Variants in CBLN2 observed in about 807,000 individuals in gnomAD.
CBLN2 encodes the protein cerebellin-2.
CBLN2 carries 7 observed loss-of-function variants against 15.0 expected under a neutral mutation model. That is an observed-to-expected ratio of 0.47 (90% CI 0.27 to 0.88). The LOEUF (loss-of-function observed/expected upper bound fraction) is 0.88, where lower values mean the gene tolerates loss of function less well. Ranked by LOEUF, CBLN2 falls within the 40% of genes least tolerant of loss-of-function variation. The probability of loss-of-function intolerance (pLI) is 0.14; values close to 1 mark genes in which losing one functional copy is unlikely to be tolerated. For synonymous variants in CBLN2, 149 were observed against 135.2 expected, an observed-to-expected ratio of 1.10 and a Z score of -0.71; for missense variants, 242 against 304.5, an observed-to-expected ratio of 0.79 and a Z score of 1.53.
intron 1 of CBLN2, among the ~76,000 whole-genome samples, chr18:72,612,653 TTTAAGGTTTAGC>T (rs2069630209): frequency 6.6e-6 from 1 of 152,240 alleles, no homozygotes; most frequent in Non-Finnish European, 1.5e-5. Flanking sequence ...TGTCAATTGC[TTTAAGGTTTAGC>T]TTAAATGTCT....
chr18:72,549,898 G>A (rs535167568), intron 1 of CBLN2, among the ~76,000 whole-genome samples: 12 of 150,422 alleles, frequency 8.0e-5, no homozygotes, highest in East Asian at 7.5e-4. Context: ...AAGATTTTAC[G>A]TGTTTTTGTG....
At chr18:72,572,296 A>C (rs1463090760) in intron 1 of CBLN2, among the ~76,000 whole-genome samples, 2 of 152,172 alleles carry the variant, frequency 1.3e-5, no homozygotes, top group Admixed American at 1.3e-4. Flanking sequence ...TTATGCAAAA[A>C]CATGAATCAA....
chr18:72,633,661 C>G (rs1259077355), intron 1 of CBLN2, among the ~76,000 whole-genome samples: 1 of 152,126 alleles, frequency 6.6e-6, no homozygotes, highest in East Asian at 1.9e-4. Context: ...AGATAACAAT[C>G]TTAAATATGC....
rs1228428519 is a variant in CBLN2 at position 72,625,810 on chromosome 18, CTCTCTCTCTATATA to C, written c.15+12501_15+12514del. 3.5e-3 allele frequency among the ~76,000 whole-genome samples: 235 copies of C among 67,712 alleles called. 2 individuals carry two copies. Among genetic ancestry groups the C allele is most frequent in the African/African-American group, 0.01 (225 of 21,520 alleles). The allele number at this position is 67,712 out of a possible 152,430, so 44.4% of individuals were successfully genotyped here. ...TGACTCTCTCTCTCTCTCTCTCTCTCTCTCTCTCTATATATATATATATATATATATATAGTACA... is the reference window on the plus strand; with the variant it reads ...TGACTCTCTCTCTCTCTCTCTCTCTCTATATATATATATATATATAGTACA... On this transcript the variant is annotated intron_variant, in intron 1 of 2. Transcript: ENST00000581073.
chr18:72,592,595 A>AT (rs954231368), intron 1 of CBLN2, among the ~76,000 whole-genome samples: 1 of 151,940 alleles, frequency 6.6e-6, no homozygotes, highest in Non-Finnish European at 1.5e-5. Context: ...ATTTTCTCCA[A>AT]TTTTTTCTTA....
intron 2 of CBLN2, 35 bp from the exon 3 acceptor site, chr18:72,542,361 G>A (rs2069122503): frequency 7.3e-6 from 2 of 274,628 alleles, no homozygotes; most frequent in Non-Finnish European, 1.3e-5. Flanking sequence ...CTTACACCGG[G>A]AGGTGGAGCC....
At chr18:72,600,197 T>C (rs952989420) in intron 1 of CBLN2, among the ~76,000 whole-genome samples, 14 of 152,232 alleles carry the variant, frequency 9.2e-5, no homozygotes, top group African/African-American at 2.4e-5. Flanking sequence ...TTTGGAATTA[T>C]AAATTTTAGT....
chr18:72,576,781 A>G (rs1406234595), intron 1 of CBLN2, among the ~76,000 whole-genome samples: 3 of 151,454 alleles, frequency 2.0e-5, no homozygotes, highest in African/African-American at 7.3e-5. Flanking sequence ...GAGTTTTAAC[A>G]ATCACCATTT....
chr18:72,604,091 C>A (rs914718951), intron 1 of CBLN2, among the ~76,000 whole-genome samples: 18 of 152,148 alleles, frequency 1.2e-4, no homozygotes, highest in African/African-American at 4.1e-4. Context: ...TCAAAAGGTA[C>A]AATGGAATTT....
Position 72,538,709 on chromosome 18 carries a change from C to G in CBLN2, c.421G>C (p.Gly141Arg). 6.2e-7 allele frequency: 1 copy of G among 1,614,032 alleles called. No homozygotes were observed. The highest frequency in any genetic ancestry group is 8.5e-7 in the Non-Finnish European group (1 of 1,180,012). ...ACGTGGAAGCTGAAGCTATAAATCC[C>G]TTTTCTCGGTGCTACAAATATACTG... ...ASSIFVAPRK[G>R]IYSFSFHVVK... Residue 141 changes from glycine (G) to arginine (R), a missense_variant, in exon 4 of 5, where the codon GGG becomes CGG. Transcript: ENST00000269503.
At chr18:72,607,074 T>G (rs1696992765) in intron 1 of CBLN2, among the ~76,000 whole-genome samples, 1 of 152,190 alleles carries the variant, frequency 6.6e-6, no homozygotes, top group Non-Finnish European at 1.5e-5. Flanking sequence ...ATTATTGGTG[T>G]CCTCAATAAA....
intron 1 of CBLN2, among the ~76,000 whole-genome samples, chr18:72,631,433 T>TAA (rs10715292): frequency 2.4e-4 from 35 of 148,032 alleles, no homozygotes; most frequent in African/African-American, 8.6e-4. Context: ...TAGTGTGTAT[T>TAA]AAAAAAAAAA....
chr18:72,600,580 C>T (rs2069541462), intron 1 of CBLN2, among the ~76,000 whole-genome samples: 1 of 151,976 alleles, frequency 6.6e-6, no homozygotes, highest in Non-Finnish European at 1.5e-5. Flanking sequence ...GAGTTAGGGG[C>T]CTGGAAGGAT....
chr18:72,572,081 A>G (rs988907521), intron 1 of CBLN2, among the ~76,000 whole-genome samples: 4 of 152,256 alleles, frequency 2.6e-5, no homozygotes, highest in African/African-American at 4.8e-5. Flanking sequence ...TGCATCGACT[A>G]TTACTGTGGA....
At chr18:72,582,025 G>A (rs1050660144) in intron 1 of CBLN2, among the ~76,000 whole-genome samples, 2 of 152,068 alleles carry the variant, frequency 1.3e-5, no homozygotes, top group Non-Finnish European at 2.9e-5. Flanking sequence ...CCACTGCTTC[G>A]ATGTGACATT....
chr18:72,605,765 A>G (rs1288083196), intron 1 of CBLN2, among the ~76,000 whole-genome samples: 1 of 152,240 alleles, frequency 6.6e-6, no homozygotes, highest in African/African-American at 2.4e-5. Flanking sequence ...GTTACTACTA[A>G]GAAAATAAAA....
intron 1 of CBLN2, chr18:72,618,147 G>A (rs895558838): frequency 6.2e-6 from 1 of 161,060 alleles, no homozygotes; most frequent in Non-Finnish European, 1.4e-5. Context: ...TATATTATTG[G>A]TCTTTTCAAA....
At chr18:72,624,163 T>G (rs2069718913) in intron 1 of CBLN2, among the ~76,000 whole-genome samples, 1 of 152,008 alleles carries the variant, frequency 6.6e-6, no homozygotes, top group African/African-American at 2.4e-5. Context: ...GTTCAGCACT[T>G]TCAGAGATCA....
chr18:72,635,268 TA>T (rs1437785005), intron 1 of CBLN2, among the ~76,000 whole-genome samples: 1 of 152,184 alleles, frequency 6.6e-6, no homozygotes, highest in Non-Finnish European at 1.5e-5. Flanking sequence ...GGTCAACAAA[TA>T]TTTTTTTCGA....
Sources: allele counts gnomAD v4.1 joint callset (sites outside exome capture counted in the v4.1 genomes callset), GRCh38; gene constraint gnomAD v4.1.1; transcripts MANE v1.5; gene names NCBI Gene and HGNC (gene_info 2026-07-23, HGNC 2026-07-21).